The following IL6 variants were observed in gnomAD, a reference collection of about 807,000 sequenced individuals.
IL6 encodes interleukin 6, also known as interleukin-6.
Under a neutral mutation model 18.0 loss-of-function variants are expected in IL6, and 5 were observed. The observed-to-expected ratio is 0.28, with a 90% CI of 0.15 to 0.58. IL6 has a LOEUF of 0.58. IL6 is among the 20% of genes least tolerant of loss of function. The pLI, the probability that IL6 is intolerant of heterozygous loss-of-function variation, is 0.90. For synonymous variants in IL6, 97 were observed against 95.1 expected (o/e 1.02, Z -0.12); for missense variants, 266 against 251.0 (o/e 1.06, Z -0.40).
rs777978147 is a variant in IL6 at position 22,727,224 on chromosome 7, A to G, written c.-39A>G. 6.2e-7 allele frequency: 1 copy of G among 1,612,366 alleles called. No homozygotes were observed. Among genetic ancestry groups the G allele is most frequent in the Non-Finnish European group, 8.5e-7 (1 of 1,179,602 alleles). ...CATTCTGCCCTCGAGCCCACCGGGA[A>G]CGAAAGAGAAGCTCTATCTCCCCTC... On this transcript the variant is annotated 5_prime_UTR_variant, in exon 1 of 5. Coordinates refer to ENST00000258743, the MANE Select transcript of IL6 (RefSeq NM_000600.5).
At chr7:22,729,839 T>C in intron 4 of IL6, 179 bp downstream of exon 4, 1 of 1,506,732 alleles carries the variant, frequency 6.6e-7, no homozygotes, top group Non-Finnish European at 8.9e-7. Context: ...TTTGGTTGGT[T>C]GGCTCTCTTC....
In IL6 at chr7:22,731,840, T is replaced by C. The variant is rs1449463593; in HGVS notation, c.*267T>C. On this transcript the variant is annotated 3_prime_UTR_variant, in exon 5 of 5. Transcript: ENST00000258743. ...AATAATGGAAAGTGGCTATGCAGTT[T>C]GAATATCCTTTGTTTCAGAGCCAGA... 5.5e-6 allele frequency: 1 copy of C among 182,536 alleles called. No homozygotes were observed. The highest frequency in any genetic ancestry group is 6.2e-5 in the Admixed American group (1 of 16,216). 11.3% of individuals were successfully genotyped at this position (182,536 alleles called of 1,614,324 possible). A position where few individuals can be genotyped will look rare whatever the true frequency, so the allele number is the denominator to read the frequency against.
At chr7:22,728,390 T>C (rs1562645773) in intron 2 of IL6, 6 of 340,794 alleles carry the variant, frequency 1.8e-5, no homozygotes, top group African/African-American at 2.0e-5. Flanking sequence ...AAGTATCTAC[T>C]GTGTGCCAGG....
intron 3 of IL6, 73 bp from the exon 4 acceptor site, chr7:22,729,441 G>A (rs904100408): frequency 3.6e-5 from 52 of 1,432,452 alleles, no homozygotes; most frequent in Non-Finnish European, 4.6e-5. Context: ...ATGTCGAACT[G>A]TGGCAATTTT....
At chr7:22,727,409 C>T in intron 1 of IL6, 35 bp from the exon 2 acceptor site, 1 of 1,613,418 alleles carries the variant, frequency 6.2e-7, no homozygotes, top group Non-Finnish European at 8.5e-7. Context: ...GCTGTGCTGT[C>T]AGCTCACCCC....
At position 22,729,582 on chromosome 7, in the gene IL6, C is replaced by G; in HGVS notation, c.393C>G (p.Asn131Lys). Residue 131 changes from asparagine to lysine, a missense_variant, in exon 4 of 5, where the codon AAC (asparagine) becomes AAG (lysine). Asn to Lys is a moderately conservative substitution (Grantham distance 94). Transcript: ENST00000258743. ...AGGTATACCTAGAGTACCTCCAGAACAGATTTGAGAGTAGTGAGGAACAAG... is the reference window on the plus strand; with the variant it reads ...AGGTATACCTAGAGTACCTCCAGAAGAGATTTGAGAGTAGTGAGGAACAAG... ...EFEVYLEYLQ[N>K]RFESSEEQAR... The G allele has an allele frequency of 6.2e-7, 1 of 1,614,114 alleles. No individual in the cohort carries two copies. Among genetic ancestry groups the G allele is most frequent in the Non-Finnish European group, 8.5e-7 (1 of 1,179,972 alleles).
chr7:22,731,360 T>A (rs1427468303), intron 4 of IL6, 46 bp from the exon 5 acceptor site: 1 of 1,451,706 alleles, frequency 6.9e-7, no homozygotes, highest in Non-Finnish European at 9.3e-7. Context: ...CTGCAAAGGA[T>A]TTATTCAACA....
intron 3 of IL6, among the ~76,000 whole-genome samples, chr7:22,729,295 G>A (rs13306433): frequency 0.019 from 2,924 of 152,284 alleles, 97 homozygotes; most frequent in Admixed American, 0.097. Flanking sequence ...CCACATTCTA[G>A]CATCTGTTGG....
intron 2 of IL6, 113 bp from the exon 3 acceptor site, chr7:22,728,580 A>T: frequency 1.5e-6 from 1 of 682,808 alleles, no homozygotes; most frequent in Non-Finnish European, 2.6e-6. Context: ...AATGAGTTGT[A>T]GCTTCATTTT....
rs1225576383 is a variant in IL6, at chr7:22,731,300, C to T, written c.472-106C>T. The T allele has an allele frequency of 4.8e-6, 4 of 841,084 alleles. No individual in the cohort carries two copies. In the East Asian group the frequency reaches 1.1e-4, roughly 24 times the overall value. 52.1% of individuals were successfully genotyped at this position (841,084 alleles called of 1,614,324 possible). On this transcript the variant is annotated intron_variant, in intron 4 of 4. Coordinates refer to ENST00000258743, the MANE Select transcript of IL6 (RefSeq NM_000600.5). ...CAGGCACCCCAGTTAATCTCATTCA[C>T]CCCACATTTCACATTTGAACATCAT...
chr7:22,731,492 G>T lies in IL6; in HGVS notation c.558G>T (p.Leu186=). ...AGCTGCAGGCACAGAACCAGTGGCTGCAGGACATGACAACTCATCTCATTC... is the reference window on the plus strand; with the variant it reads ...AGCTGCAGGCACAGAACCAGTGGCTTCAGGACATGACAACTCATCTCATTC... ...LTKLQAQNQW[L]QDMTTHLILR... The change falls in exon 5 of 5, where the codon CTG becomes CTT. Residue 186 remains leucine (L), a synonymous_variant. Coordinates refer to ENST00000258743, the MANE Select transcript of IL6 (RefSeq NM_000600.5). The T allele has an allele frequency of 6.2e-7, 1 of 1,609,522 alleles. No homozygotes were observed. Among genetic ancestry groups the T allele is most frequent in the East Asian group, 2.2e-5 (1 of 44,832 alleles).
At position 22,729,774 on chromosome 7, in the gene IL6, C is replaced by T. The variant is rs775435569; in HGVS notation, c.471+114C>T. 35 of 1,574,682 alleles carry T rather than the reference C, an allele frequency of 2.2e-5. No homozygotes were observed. The South Asian group carries it at 3.6e-4, about 16-fold the overall frequency. On this transcript the variant is annotated intron_variant, in intron 4 of 4. Coordinates refer to ENST00000258743, the MANE Select transcript of IL6 (RefSeq NM_000600.5). Reference sequence around the variant, plus strand: ...TCCAAAAGAGAAGGCTACACGTAAACAAAAGAGTCTGAGAAATAGTTTCTG... The same window carrying T: ...TCCAAAAGAGAAGGCTACACGTAAATAAAAGAGTCTGAGAAATAGTTTCTG...
At chr7:22,728,993 T>C (rs1184756198) in intron 3 of IL6, among the ~76,000 whole-genome samples, 187 bp downstream of exon 3, 1 of 152,244 alleles carries the variant, frequency 6.6e-6, no homozygotes, top group African/African-American at 2.4e-5. Flanking sequence ...TGGACAGGTA[T>C]GGCCAGAGAT....
In IL6 at chr7:22,731,421, G is replaced by C. The variant is rs768383637; in HGVS notation, c.487G>C (p.Ala163Pro). Residue 163 changes from alanine (A) to proline (P), a missense_variant, in exon 5 of 5, where the codon GCA becomes CCA. Ala to Pro is a conservative substitution (Grantham distance 27). Transcript: ENST00000258743. Reference protein sequence around the residue: ...FLQKKAKNLDAITTPDPTTNA... With the variant: ...FLQKKAKNLDPITTPDPTTNA... The stretch of plus-strand genomic sequence containing the variant: ...TTTCCTTCAGGCAAAGAATCTAGAT[G>C]CAATAACCACCCCTGACCCAACCAC... 2.5e-6 allele frequency: 4 copies of C among 1,574,090 alleles called. No homozygotes were observed. Among genetic ancestry groups the C allele is most frequent in the African/African-American group, 1.4e-5 (1 of 73,754 alleles).
rs1335707674 is a variant in IL6 at position 22,727,491 on chromosome 7, C to T, written c.67C>T (p.Pro23Ser). The change falls in exon 2 of 5, where the codon CCT (proline) becomes TCT (serine). Residue 23 changes from proline to serine, a missense_variant. Transcript: ENST00000258743. Reference sequence around the variant, plus strand: ...CTCCCTGGGGCTGCTCCTGGTGTTGCCTGCTGCCTTCCCTGCCCCAGTACC... The same window carrying T: ...CTCCCTGGGGCTGCTCCTGGTGTTGTCTGCTGCCTTCCCTGCCCCAGTACC... ...AFSLGLLLVL[P>S]AAFPAPVPPG... 1.2e-6 allele frequency: 2 copies of T among 1,614,064 alleles called. No individual in the cohort carries two copies. The highest frequency in any genetic ancestry group is 8.5e-7 in the Non-Finnish European group (1 of 1,179,954).
At chr7:22,729,267 A>G (rs1431859159) in intron 3 of IL6, among the ~76,000 whole-genome samples, 1 of 152,234 alleles carries the variant, frequency 6.6e-6, no homozygotes, top group Non-Finnish European at 1.5e-5. Flanking sequence ...GGGGACAATC[A>G]GAGAAGGATC....
intron 4 of IL6, among the ~76,000 whole-genome samples, chr7:22,730,641 G>C (rs1022238069): frequency 6.6e-6 from 1 of 152,068 alleles, no homozygotes; most frequent in East Asian, 1.9e-4. Context: ...TTAAGTATGG[G>C]CTCTTCATTC....
Position 22,727,592 on chromosome 7 carries a change from A to C in IL6, c.168A>C (p.Gln56His), listed in dbSNP as rs199925567. The change falls in exon 2 of 5, where the codon CAA (glutamine) becomes CAC (histidine). Residue 56 changes from glutamine (Q) to histidine (H), a missense_variant. By Grantham distance (24) the Gln-to-His change is conservative. Coordinates refer to ENST00000258743, the MANE Select transcript of IL6 (RefSeq NM_000600.5). ...PLTSSERIDK[Q>H]IRYILDGISA... is the part of the protein sequence containing the mutation. The stretch of plus-strand genomic sequence containing the variant: ...CCTCTTCAGAACGAATTGACAAACA[A>C]ATTCGGTACATCCTCGACGGCATCT... 8 of 1,580,920 alleles carry C rather than the reference A, an allele frequency of 5.1e-6. No individual in the cohort carries two copies. The highest frequency in any genetic ancestry group is 6.9e-6 in the Non-Finnish European group (8 of 1,164,670).
chr7:22,727,586 C>G lies in IL6; in HGVS notation c.162C>G (p.Asp54Glu). The G allele has an allele frequency of 3.2e-6, 5 of 1,583,852 alleles. No individual in the cohort carries two copies. In the Middle Eastern group the frequency reaches 5.1e-4, roughly 162 times the overall value. ...RQPLTSSERI[D>E]KQIRYILDGI... ...CACTCACCTCTTCAGAACGAATTGACAAACAAATTCGGTACATCCTCGACG... is the reference window on the plus strand; with the variant it reads ...CACTCACCTCTTCAGAACGAATTGAGAAACAAATTCGGTACATCCTCGACG... Residue 54 changes from aspartate (D) to glutamate (E), a missense_variant, in exon 2 of 5, where the codon GAC becomes GAG. Asp to Glu is a conservative substitution (Grantham distance 45). Transcript: ENST00000258743.
Sources: allele counts gnomAD v4.1 joint callset (sites outside exome capture counted in the v4.1 genomes callset), GRCh38; gene constraint gnomAD v4.1.1; transcripts MANE v1.5; gene names NCBI Gene and HGNC (gene_info 2026-07-23, HGNC 2026-07-21).